Variants in NTM observed in about 807,000 individuals in gnomAD.
NTM encodes the protein neurotrimin.
In NTM, 13 loss-of-function variants were observed where a neutral mutation model predicts 42.1. The ratio of observed to expected loss-of-function variants is 0.31; its 90% confidence interval spans 0.20 to 0.49. The LOEUF (loss-of-function observed/expected upper bound fraction) is 0.49, where lower values mean the gene tolerates loss of function less well. Ranked by LOEUF, NTM falls within the 20% of genes least tolerant of loss-of-function variation. The probability of loss-of-function intolerance (pLI) is 0.99; values close to 1 mark genes in which losing one functional copy is unlikely to be tolerated. For missense variants in NTM, 373 were observed against 452.8 expected (o/e 0.82, Z 1.60); for synonymous variants, 187 against 179.2 (o/e 1.04, Z -0.35).
intron 1 of NTM, among the ~76,000 whole-genome samples, chr11:131,595,455 A>T (rs2458781): frequency 0.8 from 122,298 of 152,202 alleles, 49,264 homozygotes; most frequent in African/African-American, 0.86. Flanking sequence ...TGTCATTTAG[A>T]AGGACTGACT....
chr11:131,990,823 C>T (rs1206994132), intron 2 of NTM, among the ~76,000 whole-genome samples: 1 of 152,156 alleles, frequency 6.6e-6, no homozygotes, highest in Non-Finnish European at 1.5e-5. Context: ...TCCTGTGAGT[C>T]AGGGACTGAG....
intron 1 of NTM, among the ~76,000 whole-genome samples, chr11:131,707,475 C>G (rs2076705164): frequency 6.6e-6 from 1 of 152,046 alleles, no homozygotes; most frequent in South Asian, 2.1e-4. Flanking sequence ...GGTATCTCTT[C>G]AATATACCAA....
chr11:131,387,851 C>A (rs1943515589), intron 1 of NTM, among the ~76,000 whole-genome samples: 1 of 133,024 alleles, frequency 7.5e-6, no homozygotes, highest in African/African-American at 2.7e-5. Flanking sequence ...TGACTCCAAC[C>A]CATCATTTTT....
At chr11:131,835,228 G>C (rs761984458) in intron 1 of NTM, among the ~76,000 whole-genome samples, 7 of 152,068 alleles carry the variant, frequency 4.6e-5, no homozygotes, top group Non-Finnish European at 2.9e-5. Flanking sequence ...TGAAAATTCT[G>C]TTTGAAAATA....
intron 1 of NTM, among the ~76,000 whole-genome samples, chr11:131,463,969 C>A (rs1460516419): frequency 6.6e-6 from 1 of 152,208 alleles, no homozygotes; most frequent in Non-Finnish European, 1.5e-5. Flanking sequence ...GATAAAGCAG[C>A]ACGAGCCATA....
intron 1 of NTM, among the ~76,000 whole-genome samples, chr11:131,394,792 A>G (rs1944377336): frequency 1.3e-5 from 2 of 152,196 alleles, no homozygotes; most frequent in South Asian, 4.1e-4. Context: ...GCCTGTGTGC[A>G]TACTTAATCA....
chr11:132,225,775 A>G (rs887297198), intron 4 of NTM, among the ~76,000 whole-genome samples: 4 of 152,110 alleles, frequency 2.6e-5, no homozygotes, highest in Non-Finnish European at 4.4e-5. Flanking sequence ...GGTTTGTTAC[A>G]TAGGTATACA....
intron 2 of NTM, among the ~76,000 whole-genome samples, chr11:131,935,344 G>A (rs1340245748): frequency 6.6e-6 from 1 of 152,162 alleles, no homozygotes; most frequent in Admixed American, 6.5e-5. Context: ...CTAGCCACCT[G>A]CCCTACTTAA....
At chr11:131,898,004 A>C in intron 1 of NTM, among the ~76,000 whole-genome samples, 1 of 152,346 alleles carries the variant, frequency 6.6e-6, no homozygotes, top group African/African-American at 2.4e-5. Context: ...TTCGGATTCA[A>C]ACCAAGCACC....
chr11:132,317,733 T>A, intron 7 of NTM: 5 of 1,215,896 alleles, frequency 4.1e-6, no homozygotes, highest in Non-Finnish European at 5.5e-6. Context: ...CCCTTCCCTC[T>A]ATCCCAGAGG....
At chr11:131,977,808 AC>A (rs1333949287) in intron 2 of NTM, among the ~76,000 whole-genome samples, 2 of 152,210 alleles carry the variant, frequency 1.3e-5, no homozygotes, top group East Asian at 3.8e-4. Flanking sequence ...AAAAAGGGAA[AC>A]AAGTCTCCAT....
intron 1 of NTM, among the ~76,000 whole-genome samples, chr11:131,902,653 T>G (rs150587192): frequency 6.6e-6 from 1 of 152,322 alleles, no homozygotes; most frequent in African/African-American, 2.4e-5. Context: ...TGGTATGGTG[T>G]GTCTGTATAT....
intron 4 of NTM, among the ~76,000 whole-genome samples, chr11:132,298,439 C>T (rs2094708362): frequency 6.6e-6 from 1 of 152,152 alleles, no homozygotes. Flanking sequence ...TTGATATCAT[C>T]ACGCGTAATA....
chr11:131,672,134 C>T (rs775153803), intron 1 of NTM, among the ~76,000 whole-genome samples: 4 of 152,256 alleles, frequency 2.6e-5, no homozygotes, highest in African/African-American at 4.8e-5. Context: ...CCGGGAGGAC[C>T]GGCCTTCTTG....
intron 1 of NTM, among the ~76,000 whole-genome samples, chr11:131,421,465 G>A (rs1287169616): frequency 6.6e-6 from 1 of 152,182 alleles, no homozygotes; most frequent in Non-Finnish European, 1.5e-5. Flanking sequence ...TTCCCACATA[G>A]ACTCTTTTTT....
intron 2 of NTM, among the ~76,000 whole-genome samples, chr11:131,998,435 T>G (rs961762254): frequency 6.6e-6 from 1 of 152,194 alleles, no homozygotes; most frequent in African/African-American, 2.4e-5. Context: ...CAGGCAAGGC[T>G]CTGCTTGGGG....
At chr11:131,684,966 C>T (rs1005852366) in intron 1 of NTM, among the ~76,000 whole-genome samples, 5 of 152,224 alleles carry the variant, frequency 3.3e-5, no homozygotes, top group Admixed American at 1.3e-4. Flanking sequence ...TCTGTGGACG[C>T]TGGCCCAGAG....
intron 1 of NTM, among the ~76,000 whole-genome samples, chr11:131,543,305 C>A (rs1166454452): frequency 6.6e-6 from 1 of 152,180 alleles, no homozygotes; most frequent in Non-Finnish European, 1.5e-5. Flanking sequence ...CTCTTTTAGA[C>A]AGGAAATACG....
At chr11:131,929,605 TC>T (rs757216984) in intron 2 of NTM, among the ~76,000 whole-genome samples, 8 of 152,064 alleles carry the variant, frequency 5.3e-5, no homozygotes, top group Non-Finnish European at 8.8e-5. Flanking sequence ...CTCCCACAAT[TC>T]CCTGTGCCAC....
Sources: gnomAD v4.1 joint callset for allele counts (sites outside exome capture counted in the v4.1 genomes callset) on GRCh38, gnomAD v4.1.1 for gene constraint, MANE v1.5 for transcripts, NCBI Gene and HGNC (gene_info 2026-07-23, HGNC 2026-07-21) for gene names.